PCBP3: variants seen among roughly 807,000 people sequenced by gnomAD.
The protein encoded by PCBP3 is poly(rC)-binding protein 3.
Under a neutral mutation model 52.7 loss-of-function variants are expected in PCBP3, and 25 were observed. That is an observed-to-expected ratio of 0.47 (90% confidence interval 0.35 to 0.66). The LOEUF (loss-of-function observed/expected upper bound fraction) is 0.66, where lower values mean the gene tolerates loss of function less well. Ranked by LOEUF, PCBP3 falls within the 30% of genes least tolerant of loss-of-function variation. PCBP3 has a pLI of 0.01. For synonymous variants in PCBP3, 162 were observed against 183.0 expected (o/e 0.89, Z 0.93); for missense variants, 391 against 490.3 (o/e 0.80, Z 1.91).
intron 4 of PCBP3, among the ~76,000 whole-genome samples, chr21:45,841,995 C>T (rs1333522020): frequency 6.6e-6 from 1 of 152,204 alleles, no homozygotes; most frequent in African/African-American, 2.4e-5. Context: ...TGTGCTGGGG[C>T]TCACCTCCTC....
intron 4 of PCBP3, among the ~76,000 whole-genome samples, chr21:45,789,905 C>T (rs1027120467): frequency 5.9e-5 from 9 of 152,016 alleles, no homozygotes; most frequent in African/African-American, 1.4e-4. Context: ...TTTGGGAGGC[C>T]GAGACGGGCG....
At position 45,671,973 on chromosome 21, in the gene PCBP3, G is replaced by A. The variant is rs532061043; in HGVS notation, c.-200+3021G>A. 4.7e-4 allele frequency among the ~76,000 whole-genome samples: 72 copies of A among 152,150 alleles called. 1 individual carries two copies. In the South Asian group the frequency reaches 7.1e-3, roughly 15 times the overall value. ...TGTCCCTCCATCTGGCTAGGCCTTG[G>A]GAGTGCTATGGTTTGAATATTTGTC... On this transcript the variant is annotated intron_variant, in intron 2 of 17. Transcript: ENST00000681687.
chr21:45,861,396 G>A (rs1881952470), intron 5 of PCBP3, among the ~76,000 whole-genome samples: 1 of 152,118 alleles, frequency 6.6e-6, no homozygotes, highest in Non-Finnish European at 1.5e-5. Flanking sequence ...TCAGTGTCCA[G>A]TCCTGCCCCA....
intron 7 of PCBP3, 109 bp downstream of exon 7, chr21:45,899,731 T>C (rs1027642660): frequency 1.3e-6 from 1 of 780,218 alleles, no homozygotes; most frequent in Non-Finnish European, 2.2e-6. Flanking sequence ...CCTTTCCCAG[T>C]TGGTGGGTGG....
chr21:45,874,568 C>T (rs1310753999), intron 5 of PCBP3, among the ~76,000 whole-genome samples: 4 of 149,584 alleles, frequency 2.7e-5, no homozygotes, highest in South Asian at 2.1e-4. Flanking sequence ...TGCAGTGGCG[C>T]GATCTCGGCT....
At position 45,837,165 on chromosome 21, in the gene PCBP3, G is replaced by A. The variant is rs1274702377; in HGVS notation, c.-125-12796G>A. 2.6e-5 allele frequency among the ~76,000 whole-genome samples: 4 copies of A among 152,230 alleles called. No individual in the cohort carries two copies. Among genetic ancestry groups the A allele is most frequent in the Non-Finnish European group, 5.9e-5 (4 of 68,046 alleles). Reference sequence around the variant, plus strand: ...TCCCATCCCCCAGCAGCGTGTTAGCGCCACGGATGATCTACAGTCCACCAA... The same window carrying A: ...TCCCATCCCCCAGCAGCGTGTTAGCACCACGGATGATCTACAGTCCACCAA... On this transcript the variant is annotated intron_variant, in intron 4 of 17. Transcript: ENST00000681687. The surrounding 1 kb of genome is among the most constrained non-coding windows in gnomAD (Gnocchi z 4.1).
Position 45,788,906 on chromosome 21 carries a change from A to AATT in PCBP3, c.-126+33456_-126+33458dup, listed in dbSNP as rs1317882377. On this transcript the variant is annotated intron_variant, in intron 4 of 17. Coordinates refer to ENST00000681687, the MANE Select transcript of PCBP3 (RefSeq NM_001384156.1). The surrounding 1 kb of genome is among the most constrained non-coding windows in gnomAD (Gnocchi z 4.3). The stretch of plus-strand genomic sequence containing the variant: ...CAGTGGAGCTAATGACACATTTCAG[A>AATT]ATTAGAAATGGTTTTAGCAATAATT... Among the ~76,000 whole-genome samples, 1 of 152,224 alleles carries AATT rather than the reference A, an allele frequency of 6.6e-6. No homozygotes were observed. The highest frequency in any genetic ancestry group is 1.5e-5 in the Non-Finnish European group (1 of 68,040).
chr21:45,884,993 C>T (rs1384116641), intron 5 of PCBP3, among the ~76,000 whole-genome samples: 2 of 152,224 alleles, frequency 1.3e-5, no homozygotes, highest in African/African-American at 2.4e-5. Flanking sequence ...TATGCACTCA[C>T]ATGTTTGCCT....
intron 15 of PCBP3, among the ~76,000 whole-genome samples, chr21:45,934,228 T>TACAAGAAC (rs2076639172): frequency 6.6e-6 from 1 of 152,034 alleles, no homozygotes; most frequent in Non-Finnish European, 1.5e-5. Flanking sequence ...GAATCCGAGT[T>TACAAGAAC]ACAAGAACCA....
rs940026272 is a variant in PCBP3, at chr21:45,928,182, C to T, written c.718-1735C>T. Among the ~76,000 whole-genome samples the T allele has an allele frequency of 3.3e-5, 5 of 152,230 alleles. No individual in the cohort carries two copies. The highest frequency in any genetic ancestry group is 7.3e-5 in the Non-Finnish European group (5 of 68,036). ...CGTGTATCTCCGGGAGGTAGACTGTCCCGGTGACTTCAGCTGGTGTCCTTG... is the reference window on the plus strand; with the variant it reads ...CGTGTATCTCCGGGAGGTAGACTGTTCCGGTGACTTCAGCTGGTGTCCTTG... On this transcript the variant is annotated intron_variant, in intron 13 of 17. Coordinates refer to ENST00000681687, the MANE Select transcript of PCBP3 (RefSeq NM_001384156.1). This position sits in a 1 kb window ranked among gnomAD's most constrained non-coding sequence, Gnocchi z 4.1.
chr21:45,898,154 C>A (rs1296002126), intron 6 of PCBP3, among the ~76,000 whole-genome samples: 2 of 152,208 alleles, frequency 1.3e-5, no homozygotes, highest in Non-Finnish European at 2.9e-5. Flanking sequence ...GTAAATGGGG[C>A]TCTCTGTGAG....
At chr21:45,795,853 C>T (rs1263578426) in intron 4 of PCBP3, among the ~76,000 whole-genome samples, 2 of 152,066 alleles carry the variant, frequency 1.3e-5, no homozygotes, top group Admixed American at 1.3e-4. Flanking sequence ...AGGTGTGAAA[C>T]CTTAAAACTT....
intron 15 of PCBP3, 58 bp from the exon 16 acceptor site, chr21:45,935,195 G>T: frequency 8.4e-7 from 1 of 1,188,986 alleles, no homozygotes; most frequent in Non-Finnish European, 1.3e-6. Context: ...GACAGGCACT[G>T]GAGTGTGACT....
intron 9 of PCBP3, among the ~76,000 whole-genome samples, chr21:45,908,734 C>G (rs1050498775): frequency 6.6e-6 from 1 of 152,186 alleles, no homozygotes; most frequent in African/African-American, 2.4e-5. Context: ...AAGCCCTGTC[C>G]CCCACGGGTT....
At chr21:45,840,504 A>G (rs1241261441) in intron 4 of PCBP3, among the ~76,000 whole-genome samples, 10 of 151,930 alleles carry the variant, frequency 6.6e-5, no homozygotes. Context: ...TAATTTATTG[A>G]AGAAAGAAAA....
rs75242357 is a variant in PCBP3 at position 45,742,767 on chromosome 21, G to A, written c.-162+7338G>A. Among the ~76,000 whole-genome samples, 176 of 152,242 alleles carry A rather than the reference G, an allele frequency of 1.2e-3. 3 individuals are homozygous for A. The East Asian group carries it at 0.026, about 23-fold the overall frequency. ...ATATGAAAATATTGTGTATTTTAGT[G>A]TCTGTTTCTGAATTCTCTAATTGAC... On this transcript the variant is annotated intron_variant, in intron 3 of 17. Transcript: ENST00000681687.
intron 11 of PCBP3, among the ~76,000 whole-genome samples, chr21:45,912,588 A>G (rs960298306): frequency 6.6e-6 from 1 of 152,106 alleles, no homozygotes; most frequent in Non-Finnish European, 1.5e-5. Flanking sequence ...CTGCCCACCC[A>G]GGGCCCAGCA....
intron 9 of PCBP3, 38 bp from the exon 10 acceptor site, chr21:45,909,317 C>T (rs368321019): frequency 9.6e-5 from 153 of 1,599,328 alleles, no homozygotes; most frequent in African/African-American, 7.1e-4. Flanking sequence ...CACTGCACGA[C>T]GCCTGAAGTG....
chr21:45,655,994 C>A (rs1011232605), intron 1 of PCBP3, among the ~76,000 whole-genome samples: 2 of 152,172 alleles, frequency 1.3e-5, no homozygotes, highest in Admixed American at 6.5e-5. Context: ...CAGGAAACAA[C>A]AGATGCTGGA....
Sources: gnomAD v4.1 joint callset for allele counts (sites outside exome capture counted in the v4.1 genomes callset) on GRCh38, gnomAD v4.1.1 for gene constraint, Gnocchi (gnomAD v3.1) non-coding constraint, MANE v1.5 for transcripts, NCBI Gene and HGNC (gene_info 2026-07-23, HGNC 2026-07-21) for gene names.